SHANK2: variants seen among roughly 807,000 people sequenced by gnomAD.
SHANK2 encodes the protein SH3 and multiple ankyrin repeat domains 2.
In SHANK2, 43 loss-of-function variants were observed where a neutral mutation model predicts 133.7. The observed-to-expected ratio is 0.32, with a 90% confidence interval of 0.25 to 0.41. SHANK2 has a LOEUF of 0.41. SHANK2 is among the 10% of genes least tolerant of loss of function. The pLI is 1.00. For missense variants in SHANK2, 1,994 were observed against 2,235.8 expected (o/e 0.89, Z 2.18); for synonymous variants, 1,017 against 952.8 (o/e 1.07, Z -1.24).
At chr11:70,756,164 C>T (rs1002548035) in intron 14 of SHANK2, among the ~76,000 whole-genome samples, 1 of 152,142 alleles carries the variant, frequency 6.6e-6, no homozygotes, top group African/African-American at 2.4e-5. Context: ...AGGCAGGTTC[C>T]CAGAGCGAGG....
At chr11:71,172,173 G>A (rs1953327427) in intron 2 of SHANK2, among the ~76,000 whole-genome samples, 1 of 152,170 alleles carries the variant, frequency 6.6e-6, no homozygotes, top group Non-Finnish European at 1.5e-5. Context: ...CCTGGCACAA[G>A]GGAAGCCCTC....
chr11:70,878,889 C>A (rs1386217769), intron 11 of SHANK2, among the ~76,000 whole-genome samples: 1 of 152,208 alleles, frequency 6.6e-6, no homozygotes, highest in Non-Finnish European at 1.5e-5. Context: ...CTGCTCCCTG[C>A]CCTCACCTCC....
intron 10 of SHANK2, among the ~76,000 whole-genome samples, chr11:70,937,297 T>C (rs1950585397): frequency 6.6e-6 from 1 of 152,184 alleles, no homozygotes; most frequent in Admixed American, 6.5e-5. Context: ...AGAAATCTTT[T>C]GAAACTCCCC....
chr11:70,817,941 G>A (rs999315654), intron 12 of SHANK2, among the ~76,000 whole-genome samples: 1 of 152,188 alleles, frequency 6.6e-6, no homozygotes, highest in Admixed American at 6.5e-5. Context: ...CACCATGTTA[G>A]CCAGGCTGGT....
chr11:71,243,592 G>A (rs1565533808), intron 1 of SHANK2, among the ~76,000 whole-genome samples: 1 of 152,192 alleles, frequency 6.6e-6, no homozygotes, highest in Admixed American at 6.5e-5. Flanking sequence ...CTACTCGGGA[G>A]GCTGAGTCAA....
At chr11:71,110,337 T>G (rs1001552697) in intron 5 of SHANK2, among the ~76,000 whole-genome samples, 1 of 151,646 alleles carries the variant, frequency 6.6e-6, no homozygotes, top group Non-Finnish European at 1.5e-5. Flanking sequence ...ACTCGGGAGG[T>G]TGAGGCAGGA....
intron 3 of SHANK2, among the ~76,000 whole-genome samples, chr11:71,123,897 C>A (rs1952122342): frequency 6.6e-6 from 1 of 152,022 alleles, no homozygotes; most frequent in East Asian, 1.9e-4. Flanking sequence ...AGCACCAGGA[C>A]AGGAGTGGGT....
rs542506900 is a variant in SHANK2, at chr11:70,684,794, C to G, written c.1853+13894G>C. 3.3e-5 allele frequency among the ~76,000 whole-genome samples: 5 copies of G among 152,072 alleles called. No homozygotes were observed. The East Asian group carries it at 9.7e-4, about 30-fold the overall frequency. ...TGCCAATCCAGTGAGCGTTGTTGGT[C>G]CCAGCCCTGCCCTGTCTGACCGGCT... On this transcript the variant is annotated intron_variant, in intron 15 of 25. Coordinates refer to ENST00000601538, the MANE Select transcript of SHANK2 (RefSeq NM_012309.5).
At chr11:70,769,761 G>A (rs1555042259) in intron 14 of SHANK2, among the ~76,000 whole-genome samples, 2 of 152,240 alleles carry the variant, frequency 1.3e-5, no homozygotes, top group East Asian at 1.9e-4. Context: ...TATGTTCTAT[G>A]TGGGCATGTG....
intron 11 of SHANK2, among the ~76,000 whole-genome samples, chr11:70,865,477 G>C (rs545202624): frequency 2.2e-4 from 33 of 152,302 alleles, no homozygotes; most frequent in African/African-American, 4.1e-4. Flanking sequence ...GGGCACGCGG[G>C]GGGTGTCTGA....
At chr11:70,868,053 C>T (rs1477270692) in intron 11 of SHANK2, among the ~76,000 whole-genome samples, 22 of 152,244 alleles carry the variant, frequency 1.4e-4, no homozygotes, top group African/African-American at 3.6e-4. Context: ...TAATGTACGC[C>T]GTCACCAAGG....
chr11:71,121,024 G>C (rs1255397103), intron 3 of SHANK2, among the ~76,000 whole-genome samples: 1 of 152,246 alleles, frequency 6.6e-6, no homozygotes, highest in Non-Finnish European at 1.5e-5. Flanking sequence ...TGTCTGTGCA[G>C]CACGGGGGCC....
intron 2 of SHANK2, among the ~76,000 whole-genome samples, chr11:71,185,152 G>A (rs1329448130): frequency 1.3e-5 from 2 of 152,176 alleles, no homozygotes; most frequent in African/African-American, 4.8e-5. Flanking sequence ...CCATGATGCT[G>A]TCCCAATACA....
chr11:70,549,511 C>T (rs56343538), intron 17 of SHANK2, among the ~76,000 whole-genome samples: 23,772 of 152,222 alleles, frequency 0.16, 2,058 homozygotes, highest in East Asian at 0.36. Context: ...ATTTGCGAAG[C>T]GAGGTTGCTT....
chr11:70,512,946 G>A (rs1389482892), intron 17 of SHANK2, among the ~76,000 whole-genome samples: 3 of 151,966 alleles, frequency 2.0e-5, no homozygotes, highest in Non-Finnish European at 4.4e-5. Context: ...ATTTGAGGTT[G>A]GGGAATAAGG....
At chr11:70,641,796 GCACGGA>G (rs1171961840) in intron 17 of SHANK2, among the ~76,000 whole-genome samples, 1 of 152,200 alleles carries the variant, frequency 6.6e-6, no homozygotes, top group African/African-American at 2.4e-5. Flanking sequence ...AGCATTGCGG[GCACGGA>G]CACACAATGT....
intron 17 of SHANK2, among the ~76,000 whole-genome samples, chr11:70,507,783 A>G (rs1397842360): frequency 1.3e-5 from 2 of 152,200 alleles, no homozygotes; most frequent in Non-Finnish European, 2.9e-5. Flanking sequence ...CGTTTCCATC[A>G]ATGAAGAGCC....
At chr11:70,831,188 C>T (rs1232002503) in intron 11 of SHANK2, among the ~76,000 whole-genome samples, 2 of 152,098 alleles carry the variant, frequency 1.3e-5, no homozygotes, top group African/African-American at 2.4e-5. Flanking sequence ...CACACCCACC[C>T]GTCCCAAAAC....
chr11:70,680,481 G>A (rs1289500951), intron 15 of SHANK2, among the ~76,000 whole-genome samples: 2 of 152,046 alleles, frequency 1.3e-5, no homozygotes, highest in South Asian at 2.1e-4. Context: ...TCCAGCCTCC[G>A]CTCCCATCGT....
Sources: allele counts gnomAD v4.1 joint callset (sites outside exome capture counted in the v4.1 genomes callset), GRCh38; gene constraint gnomAD v4.1.1; transcripts MANE v1.5; gene names NCBI Gene and HGNC (gene_info 2026-07-23, HGNC 2026-07-21).